Variants in CLCA1 observed in about 807,000 individuals in gnomAD.
CLCA1 encodes the protein chloride channel accessory 1.
A neutral mutation model predicts 85.6 loss-of-function variants in CLCA1; 59 were observed. The observed-to-expected ratio is 0.69, with a 90% confidence interval of 0.56 to 0.86. CLCA1 has a LOEUF of 0.86. CLCA1 is among the 40% of genes least tolerant of loss of function. The pLI, the probability that CLCA1 is intolerant of heterozygous loss-of-function variation, is 0.00. For missense variants in CLCA1, 1,022 were observed against 1,101.4 expected, an observed-to-expected ratio of 0.93 and a Z score of 1.02; for synonymous variants, 396 against 398.3, an observed-to-expected ratio of 0.99 and a Z score of 0.07.
intron 4 of CLCA1, among the ~76,000 whole-genome samples, chr1:86,477,074 T>A (rs1239447916): frequency 6.6e-6 from 1 of 151,848 alleles, no homozygotes; most frequent in Admixed American, 6.5e-5. Context: ...CACATCAGAC[T>A]AATTTTTATA....
chr1:86,476,602 C>T lies in CLCA1; in HGVS notation c.557+49C>T, dbSNP rs550829888. On this transcript the variant is annotated intron_variant, in intron 4 of 13. Coordinates refer to ENST00000394711, the MANE Select transcript of CLCA1 (RefSeq NM_001285.4). ...GTTCCAAACTATTTTAAATTGCAAC[C>T]TTTTTTTCTTGAATTGATTACTTTA... is the stretch of plus-strand genomic sequence containing the variant. 5.2e-5 allele frequency: 47 copies of T among 905,422 alleles called. No homozygotes were observed. In the African/African-American group the frequency reaches 6.3e-4, roughly 12 times the overall value. The allele number at this position is 905,422 out of a possible 1,614,324, so 56.1% of individuals were successfully genotyped here.
intron 1 of CLCA1, 121 bp from the exon 2 acceptor site, chr1:86,473,296 T>C: frequency 1.5e-6 from 1 of 657,222 alleles, no homozygotes; most frequent in Non-Finnish European, 2.5e-6. Flanking sequence ...TCTATATTTC[T>C]TCTTCCCATC....
chr1:86,470,530 C>T (rs935089557), intron 1 of CLCA1, among the ~76,000 whole-genome samples: 2 of 152,224 alleles, frequency 1.3e-5, no homozygotes, highest in African/African-American at 4.8e-5. Context: ...TTTGTATCTA[C>T]AGTATATAGT....
intron 5 of CLCA1, 32 bp downstream of exon 5, chr1:86,482,414 A>C: frequency 3.1e-6 from 5 of 1,587,362 alleles, no homozygotes; most frequent in Non-Finnish European, 4.3e-6. Flanking sequence ...CCTCCCCCAG[A>C]TTCTTATGAA....
chr1:86,484,949 A>G (rs2734704), intron 5 of CLCA1, among the ~76,000 whole-genome samples: 85,477 of 151,894 alleles, frequency 0.56, 26,131 homozygotes, highest in East Asian at 0.79. Flanking sequence ...GTTGAAGGTT[A>G]GAATATAGTG....
chr1:86,481,280 G>A (rs527331534), intron 4 of CLCA1, among the ~76,000 whole-genome samples: 12 of 151,968 alleles, frequency 7.9e-5, no homozygotes, highest in African/African-American at 2.7e-4. Context: ...GGGATTACAG[G>A]TGCGCAACAC....
Position 86,495,618 on chromosome 1 carries a change from C to G in CLCA1, c.2056C>G (p.Arg686Gly), listed in dbSNP as rs373476030. ...RALGGVNAAR[R>G]RVIPQQSGAL... The stretch of plus-strand genomic sequence containing the variant: ...TCTGGGAGGAGTTAACGCAGCCAGA[C>G]GGAGAGTGATACCCCAGCAGAGTGG... The change falls in exon 12 of 14, where the codon CGG becomes GGG. Residue 686 changes from arginine to glycine, a missense_variant. Arg to Gly is a moderately radical substitution (Grantham distance 125). Coordinates refer to ENST00000394711, the MANE Select transcript of CLCA1 (RefSeq NM_001285.4). 1 of 1,614,044 alleles carries G rather than the reference C, an allele frequency of 6.2e-7. No homozygotes were observed. Among genetic ancestry groups the G allele is most frequent in the South Asian group, 1.1e-5 (1 of 91,074 alleles).
chr1:86,469,280 TAAC>T (rs1423494113), intron 1 of CLCA1, 147 bp downstream of exon 1: 54 of 577,760 alleles, frequency 9.3e-5, no homozygotes, highest in Non-Finnish European at 1.5e-4. Context: ...ATGGAAATAA[TAAC>T]AAGTTAACCA....
chr1:86,484,154 G>A (rs1230535860), intron 5 of CLCA1, among the ~76,000 whole-genome samples: 1 of 152,168 alleles, frequency 6.6e-6, no homozygotes, highest in Non-Finnish European at 1.5e-5. Context: ...TGAGATTTGG[G>A]TGGGACACAG....
chr1:86,470,294 C>G (rs1486059303), intron 1 of CLCA1, among the ~76,000 whole-genome samples: 1 of 152,232 alleles, frequency 6.6e-6, no homozygotes, highest in Non-Finnish European at 1.5e-5. Flanking sequence ...AGCTTACCTA[C>G]TTAACCCAAA....
At chr1:86,498,155 A>AAAGAAAGGAAGG (rs1553188765) in intron 12 of CLCA1, among the ~76,000 whole-genome samples, 2 of 125,952 alleles carry the variant, frequency 1.6e-5, no homozygotes, top group South Asian at 2.8e-4. Context: ...AAAAACAAAG[A>AAAGAAAGGAAGG]AAGGAAGGAA....
At position 86,468,980 on chromosome 1, in the gene CLCA1, A is replaced by G. The variant is rs976495008; in HGVS notation, c.9A>G (p.Pro3=). MG[P]FKSSVFILIL... is the part of the protein sequence containing the mutation. ...CAGGGAGATGTACAGCAATGGGGCC[A>G]TTTAAGAGTTCTGTGTTCATCTTGA... Residue 3 remains proline, a synonymous_variant, in exon 1 of 14, where the codon CCA becomes CCG. Coordinates refer to ENST00000394711, the MANE Select transcript of CLCA1 (RefSeq NM_001285.4). The G allele has an allele frequency of 6.2e-7, 1 of 1,607,132 alleles. No homozygotes were observed. Among genetic ancestry groups the G allele is most frequent in the Non-Finnish European group, 8.5e-7 (1 of 1,176,640 alleles).
At chr1:86,481,488 G>A (rs537137898) in intron 4 of CLCA1, among the ~76,000 whole-genome samples, 1 of 151,938 alleles carries the variant, frequency 6.6e-6, no homozygotes, top group South Asian at 2.1e-4. Flanking sequence ...AATATGCTAA[G>A]TTTTTTTTAA....
In CLCA1 at chr1:86,485,504, G is replaced by A. The variant is rs1312922635; in HGVS notation, c.897G>A (p.Leu299=). The part of the protein sequence containing the change: ...TTQPPNPTFS[L]LQIGQRIVCL... ...AGCCACCAAATCCCACCTTCTCATT[G>A]CTGCAGATTGGACAAAGAATTGTGT... The change falls in exon 6 of 14, where the codon TTG becomes TTA. Residue 299 remains leucine, a synonymous_variant. Coordinates refer to ENST00000394711, the MANE Select transcript of CLCA1 (RefSeq NM_001285.4). 1.2e-6 allele frequency: 2 copies of A among 1,614,024 alleles called. No homozygotes were observed. Among genetic ancestry groups the A allele is most frequent in the Non-Finnish European group, 1.7e-6 (2 of 1,180,018 alleles).
In CLCA1 at chr1:86,486,685, G is replaced by A. The variant is rs778793374; in HGVS notation, c.1114G>A (p.Ala372Thr). 74 of 1,613,990 alleles carry A rather than the reference G, an allele frequency of 4.6e-5. No homozygotes were observed. Among genetic ancestry groups the A allele is most frequent in the South Asian group, 7.7e-5 (7 of 91,078 alleles). The part of the protein sequence containing the change: ...INSGSDRDTL[A>T]KRLPAAASGG... ...CAGTGGCAGTGACAGGGACACACTCGCCAAAAGATTACCTGCAGCAGCTTC... is the reference window on the plus strand; with the variant it reads ...CAGTGGCAGTGACAGGGACACACTCACCAAAAGATTACCTGCAGCAGCTTC... The change falls in exon 7 of 14, where the codon GCC (alanine) becomes ACC (threonine). Residue 372 changes from alanine (A) to threonine (T), a missense_variant. Coordinates refer to ENST00000394711, the MANE Select transcript of CLCA1 (RefSeq NM_001285.4).
chr1:86,480,592 A>G (rs1444154224), intron 4 of CLCA1, among the ~76,000 whole-genome samples: 2 of 152,222 alleles, frequency 1.3e-5, no homozygotes, highest in Non-Finnish European at 2.9e-5. Context: ...ACACCACTGC[A>G]TTCTAGCCTG....
chr1:86,491,841 G>A (rs1468538135), intron 9 of CLCA1, among the ~76,000 whole-genome samples: 1 of 152,146 alleles, frequency 6.6e-6, no homozygotes, highest in Non-Finnish European at 1.5e-5. Flanking sequence ...AGCCAGTGGT[G>A]TGAGTCCAGA....
intron 5 of CLCA1, among the ~76,000 whole-genome samples, chr1:86,482,635 A>C (rs1647850506): frequency 6.6e-6 from 1 of 152,174 alleles, no homozygotes; most frequent in Non-Finnish European, 1.5e-5. Flanking sequence ...GATTACTTTA[A>C]ATACTCACAA....
intron 7 of CLCA1, 61 bp from the exon 8 acceptor site, chr1:86,488,935 T>C: frequency 7.0e-7 from 1 of 1,435,776 alleles, no homozygotes; most frequent in Admixed American, 2.0e-5. Flanking sequence ...GTAAGCAGAA[T>C]TTTCATAAAC....
Sources: gnomAD v4.1 joint callset for allele counts (sites outside exome capture counted in the v4.1 genomes callset) on GRCh38, gnomAD v4.1.1 for gene constraint, MANE v1.5 for transcripts, NCBI Gene and HGNC (gene_info 2026-07-23, HGNC 2026-07-21) for gene names.